PIAS2: variants seen among roughly 807,000 people sequenced by gnomAD.
The protein encoded by PIAS2 is E3 SUMO-protein ligase PIAS2.
A neutral mutation model predicts 69.7 loss-of-function variants in PIAS2; 19 were observed. The ratio of observed to expected loss-of-function variants is 0.27; its 90% CI spans 0.19 to 0.40. PIAS2 has a LOEUF of 0.40. Ranked by LOEUF, PIAS2 falls within the 10% of genes least tolerant of loss-of-function variation. The pLI, the probability that PIAS2 is intolerant of heterozygous loss-of-function variation, is 1.00. For synonymous variants in PIAS2, 261 were observed against 263.2 expected (o/e 0.99, Z 0.08); for missense variants, 624 against 757.0 (o/e 0.82, Z 2.06).
intron 2 of PIAS2, among the ~76,000 whole-genome samples, chr18:46,865,951 G>C (rs191316559): frequency 1.6e-3 from 238 of 152,116 alleles, no homozygotes; most frequent in African/African-American, 4.5e-3. Flanking sequence ...ACTATCTGTG[G>C]CTAAGGTCAC....
chr18:46,895,855 C>T (rs1412450420), intron 1 of PIAS2, among the ~76,000 whole-genome samples: 2 of 152,142 alleles, frequency 1.3e-5, no homozygotes, highest in African/African-American at 4.8e-5. Context: ...GTTCCTGGTC[C>T]TGTATTCCTG....
intron 8 of PIAS2, among the ~76,000 whole-genome samples, chr18:46,842,370 A>T (rs695001): frequency 6.6e-6 from 1 of 151,504 alleles, no homozygotes; most frequent in African/African-American, 2.4e-5. Flanking sequence ...AGAATGGCAA[A>T]CTGTATGAAG....
intron 12 of PIAS2, chr18:46,817,942 C>T: frequency 1.0e-6 from 1 of 983,980 alleles, no homozygotes. Flanking sequence ...TAGCAAAATG[C>T]TGTTTCTTAT....
At chr18:46,864,764 C>G (rs1464600985) in intron 2 of PIAS2, among the ~76,000 whole-genome samples, 2 of 115,892 alleles carry the variant, frequency 1.7e-5, no homozygotes, top group African/African-American at 3.3e-5. Flanking sequence ...GAGTGAACTC[C>G]ATCTCAAAAA....
At chr18:46,855,642 T>TA (rs771974121) in intron 3 of PIAS2, 27 bp from the exon 4 acceptor site, 3 of 1,564,070 alleles carry the variant, frequency 1.9e-6, no homozygotes, top group Admixed American at 1.7e-5. Flanking sequence ...GAAAATGGGT[T>TA]AAAAAAGTAC....
At chr18:46,886,046 A>C (rs1348842357) in intron 2 of PIAS2, among the ~76,000 whole-genome samples, 1 of 152,232 alleles carries the variant, frequency 6.6e-6, no homozygotes, top group African/African-American at 2.4e-5. Context: ...AGAAAAGGAC[A>C]AGGCCTCTCC....
rs201525370 is a variant in PIAS2 at position 46,812,600 on chromosome 18, T to C, written c.1699A>G (p.Met567Val). The C allele has an allele frequency of 4.5e-5, 72 of 1,611,024 alleles. No homozygotes were observed. Among genetic ancestry groups the C allele is most frequent in the Middle Eastern group, 1.7e-4 (1 of 6,056 alleles). The change falls in exon 14 of 14, where the codon ATG becomes GTG. Residue 567 changes from methionine (M) to valine (V), a missense_variant. This residue lies in a region of PIAS2 where 241 missense variants were observed against 257.3 expected (regional missense o/e 0.94). Coordinates refer to ENST00000585916, the MANE Select transcript of PIAS2 (RefSeq NM_004671.5). ...IPVDPQYCPP[M>V]FLDSLTSPLT... The stretch of plus-strand genomic sequence containing the variant: ...GGTGAGGTGAGACTATCCAAAAACA[T>C]AGGAGGACAGTACTGCTTGAAACAA...
intron 5 of PIAS2, chr18:46,853,434 G>A (rs572572075): frequency 5.3e-5 from 8 of 152,214 alleles, no homozygotes; most frequent in Non-Finnish European, 1.0e-4. Flanking sequence ...GTTACCCATT[G>A]GTATCTTTCA....
intron 2 of PIAS2, among the ~76,000 whole-genome samples, chr18:46,880,584 C>T (rs535530417): frequency 3.2e-4 from 49 of 152,066 alleles, no homozygotes; most frequent in African/African-American, 1.1e-3. Flanking sequence ...CACAGTGAGA[C>T]CCCCGTCTAC....
At chr18:46,861,763 C>T (rs2048701443) in intron 3 of PIAS2, among the ~76,000 whole-genome samples, 1 of 152,044 alleles carries the variant, frequency 6.6e-6, no homozygotes, top group African/African-American at 2.4e-5. Flanking sequence ...AACAAACAAA[C>T]AAAAACTAAG....
intron 11 of PIAS2, among the ~76,000 whole-genome samples, chr18:46,824,824 A>G (rs1412811101): frequency 4.6e-5 from 7 of 150,918 alleles, no homozygotes; most frequent in Admixed American, 1.3e-4. Flanking sequence ...GCAACATGGT[A>G]AAACCCCATG....
At chr18:46,836,211 G>T (rs978930374) in intron 9 of PIAS2, 146 bp downstream of exon 9, 2 of 602,758 alleles carry the variant, frequency 3.3e-6, no homozygotes, top group Non-Finnish European at 2.9e-6. Context: ...AGTATAATTA[G>T]GTATAAGACG....
At chr18:46,856,940 G>A (rs2047930858) in intron 3 of PIAS2, among the ~76,000 whole-genome samples, 1 of 152,182 alleles carries the variant, frequency 6.6e-6, no homozygotes, top group Non-Finnish European at 1.5e-5. Context: ...GCACAACATT[G>A]TGCAAATCAC....
chr18:46,897,426 G>C (rs532815361), intron 1 of PIAS2, among the ~76,000 whole-genome samples: 2 of 152,280 alleles, frequency 1.3e-5, no homozygotes, highest in South Asian at 4.1e-4. Flanking sequence ...AGTAGCCTAA[G>C]ATGAGAAAAT....
intron 1 of PIAS2, among the ~76,000 whole-genome samples, chr18:46,895,490 G>C (rs1012933671): frequency 6.6e-6 from 1 of 152,116 alleles, no homozygotes; most frequent in African/African-American, 2.4e-5. Flanking sequence ...GGCCAAAAAG[G>C]CAAAACCCTG....
At chr18:46,831,568 G>C (rs1426288145) in intron 9 of PIAS2, among the ~76,000 whole-genome samples, 1 of 152,164 alleles carries the variant, frequency 6.6e-6, no homozygotes, top group Non-Finnish European at 1.5e-5. Context: ...GAACAAAGTT[G>C]GAAGAGTCAC....
At chr18:46,917,083 C>A in intron 1 of PIAS2, 1 of 989,160 alleles carries the variant, frequency 1.0e-6, no homozygotes, top group Non-Finnish European at 1.2e-6. Context: ...GGACCACTGG[C>A]AGCACTCAGG....
At chr18:46,867,685 G>C (rs2049699780) in intron 2 of PIAS2, among the ~76,000 whole-genome samples, 1 of 152,102 alleles carries the variant, frequency 6.6e-6, no homozygotes. Context: ...TCATAATGTA[G>C]ATTCTATTTT....
At position 46,890,772 on chromosome 18, in the gene PIAS2, A is replaced by G; in HGVS notation, c.307T>C (p.Ser103Pro). Reference sequence around the variant, plus strand: ...GGTGTAACTGAAGTGGAAGGCAACGAGTGGATTCCAGCCACGGCCAAGTCA... The same window carrying G: ...GGTGTAACTGAAGTGGAAGGCAACGGGTGGATTCCAGCCACGGCCAAGTCA... The part of the protein sequence containing the change: ...EPDLAVAGIH[S>P]LPSTSVTPHS... The change falls in exon 2 of 14, where the codon TCG becomes CCG. Residue 103 changes from serine (S) to proline (P), a missense_variant. Physicochemically the swap from Ser to Pro is moderately conservative, Grantham distance 74 (BLOSUM62 -1). Coordinates refer to ENST00000585916, the MANE Select transcript of PIAS2 (RefSeq NM_004671.5). The G allele has an allele frequency of 4.3e-6, 7 of 1,614,210 alleles. No homozygotes were observed. Among genetic ancestry groups the G allele is most frequent in the Non-Finnish European group, 5.9e-6 (7 of 1,180,024 alleles).
Sources: allele counts gnomAD v4.1 joint callset (sites outside exome capture counted in the v4.1 genomes callset), GRCh38; gene constraint gnomAD v4.1.1; regional missense constraint gnomAD v4.1.1; transcripts MANE v1.5; gene names NCBI Gene and HGNC (gene_info 2026-07-23, HGNC 2026-07-21).